The following IL1R1 variants were observed in gnomAD, a reference collection of about 807,000 sequenced individuals.
The protein encoded by IL1R1 is interleukin 1 receptor type 1.
Under a neutral mutation model 50.2 loss-of-function variants are expected in IL1R1, and 22 were observed. The ratio of observed to expected loss-of-function variants is 0.44; its 90% CI spans 0.31 to 0.63. The LOEUF (loss-of-function observed/expected upper bound fraction) is 0.63. Among genes scored for constraint, IL1R1 ranks in the 20% least tolerant of loss-of-function variants. The probability of loss-of-function intolerance (pLI) is 0.07; values close to 1 mark genes in which losing one functional copy is unlikely to be tolerated. For synonymous variants in IL1R1, 251 were observed against 236.7 expected (o/e 1.06, Z -0.55); for missense variants, 509 against 676.2 (o/e 0.75, Z 2.74).
intron 1 of IL1R1, among the ~76,000 whole-genome samples, chr2:102,098,601 A>G (rs1229180069): frequency 2.0e-5 from 3 of 152,164 alleles, no homozygotes; most frequent in Admixed American, 1.3e-4. Flanking sequence ...ATTGCATAGT[A>G]CACTGCAGTG....
intron 1 of IL1R1, among the ~76,000 whole-genome samples, chr2:102,091,062 T>G (rs983634127): frequency 1.3e-5 from 2 of 152,220 alleles, no homozygotes; most frequent in African/African-American, 4.8e-5. Flanking sequence ...TCTGGGCTTT[T>G]CATAGAGAGC....
chr2:102,105,800 C>G (rs1021274599), intron 1 of IL1R1, among the ~76,000 whole-genome samples: 1 of 152,170 alleles, frequency 6.6e-6, no homozygotes, highest in African/African-American at 2.4e-5. Context: ...ATATTTTTCT[C>G]CCCCCTTCAG....
At chr2:102,087,694 C>T (rs151153732) in intron 1 of IL1R1, among the ~76,000 whole-genome samples, 2 of 152,264 alleles carry the variant, frequency 1.3e-5, no homozygotes, top group Admixed American at 6.5e-5. Flanking sequence ...CCGTGTAAGA[C>T]GTGCCTTGCT....
At chr2:102,152,655 T>C (rs1339400348) in intron 1 of IL1R1, among the ~76,000 whole-genome samples, 1 of 148,376 alleles carries the variant, frequency 6.7e-6, no homozygotes, top group African/African-American at 2.5e-5. Flanking sequence ...TGCCATTCAC[T>C]ATATAATTCC....
chr2:102,142,300 A>G (rs1291445592), upstream of IL1R1: 1 of 152,220 alleles, frequency 6.6e-6, no homozygotes, highest in Admixed American at 6.5e-5. Context: ...ATTAGTGCAC[A>G]AAGCCAGTCG....
chr2:102,151,951 A>G (rs545405875), intron 1 of IL1R1, among the ~76,000 whole-genome samples: 43 of 152,116 alleles, frequency 2.8e-4, no homozygotes, highest in African/African-American at 9.9e-4. Context: ...GGGGGCGCTG[A>G]CCCTCATCCC....
chr2:102,097,171 G>A (rs947660438), intron 1 of IL1R1, among the ~76,000 whole-genome samples: 1 of 152,024 alleles, frequency 6.6e-6, no homozygotes, highest in African/African-American at 2.4e-5. Flanking sequence ...CGGGGATCGG[G>A]GCTGCTTCCT....
chr2:102,154,490 C>A (rs1354318095), intron 2 of IL1R1, among the ~76,000 whole-genome samples: 1 of 152,168 alleles, frequency 6.6e-6, no homozygotes, highest in Non-Finnish European at 1.5e-5. Context: ...CCTGAACCTG[C>A]CCCCCAACCT....
rs3047461 is a variant in IL1R1, at chr2:102,167,442, G to GT, written c.656-1133dup. On this transcript the variant is annotated intron_variant, in intron 6 of 11. Transcript: ENST00000410023. The stretch of plus-strand genomic sequence containing the variant: ...GGGGACTATTTAAGCTAGGTTAAGT[G>GT]TTTTTTTTTTTTTTTTTTTTTTTGA... Among the ~76,000 whole-genome samples, 505 of 68,794 alleles carry GT rather than the reference G, an allele frequency of 7.3e-3. 5 individuals carry two copies. Among genetic ancestry groups the GT allele is most frequent in the Middle Eastern group, 0.018 (2 of 110 alleles). The allele number at this position is 68,794 out of a possible 152,430, so 45.1% of individuals were successfully genotyped here.
At chr2:102,079,929 G>A (rs978883288) in intron 1 of IL1R1, among the ~76,000 whole-genome samples, 1 of 152,134 alleles carries the variant, frequency 6.6e-6, no homozygotes, top group African/African-American at 2.4e-5. Context: ...TCAGAAATAT[G>A]CCCTTACGTT....
At chr2:102,087,641 G>A (rs554178402) in intron 1 of IL1R1, among the ~76,000 whole-genome samples, 1 of 152,116 alleles carries the variant, frequency 6.6e-6, no homozygotes, top group Admixed American at 6.5e-5. Context: ...TGGTTTAAAG[G>A]TGTGGCATGT....
Position 102,120,127 on chromosome 2 carries a change from C to T in IL1R1, c.-84+15255C>T, listed in dbSNP as rs187220282. On this transcript the variant is annotated intron_variant, in intron 1 of 10. Transcript: ENST00000409329. ...TTATTTGGCCAGATCGGACCTACAG[C>T]CCTCAGTGGTCTTTAAAGTGAAAAA... 1.5e-4 allele frequency among the ~76,000 whole-genome samples: 23 copies of T among 152,194 alleles called. No homozygotes were observed. The East Asian group carries it at 4.2e-3, about 28-fold the overall frequency.
intron 3 of IL1R1, among the ~76,000 whole-genome samples, chr2:102,161,790 A>G (rs1323878846): frequency 1.3e-5 from 2 of 151,926 alleles, no homozygotes; most frequent in Admixed American, 6.6e-5. Flanking sequence ...ACCTCTGCCT[A>G]CTGGGTTCAA....
At chr2:102,128,073 T>C (rs747735372) in intron 1 of IL1R1, among the ~76,000 whole-genome samples, 9 of 152,226 alleles carry the variant, frequency 5.9e-5, no homozygotes, top group Non-Finnish European at 1.2e-4. Context: ...TCTATGCATT[T>C]TACACTTGGT....
intron 1 of IL1R1, among the ~76,000 whole-genome samples, chr2:102,077,859 T>C (rs1442009273): frequency 1.3e-5 from 2 of 152,046 alleles, no homozygotes; most frequent in Non-Finnish European, 2.9e-5. Context: ...AAGAGAGAAA[T>C]CATACAAAGT....
At chr2:102,071,975 G>T (rs1023128865) in intron 1 of IL1R1, among the ~76,000 whole-genome samples, 2 of 152,104 alleles carry the variant, frequency 1.3e-5, no homozygotes, top group Non-Finnish European at 2.9e-5. Flanking sequence ...CATTGTACTT[G>T]GCCGGGTGTG....
At chr2:102,133,056 A>G (rs1402395378) in intron 1 of IL1R1, among the ~76,000 whole-genome samples, 1 of 151,906 alleles carries the variant, frequency 6.6e-6, no homozygotes, top group Admixed American at 6.6e-5. Flanking sequence ...CATCCTGGCT[A>G]ACACGGTGAA....
At chr2:102,076,024 C>G (rs1678941458) in intron 1 of IL1R1, among the ~76,000 whole-genome samples, 1 of 152,130 alleles carries the variant, frequency 6.6e-6, no homozygotes. Context: ...CCTTCCTGGT[C>G]TTTGTGTTAT....
Position 102,124,522 on chromosome 2 carries a change from C to T in IL1R1, c.-84+19650C>T, listed in dbSNP as rs565091890. On this transcript the variant is annotated intron_variant, in intron 1 of 10. Transcript: ENST00000409329. ...CAATTCCACATGGCTGGGGAAGCCT[C>T]GGGAAACTTATAATCATTGTGGAAG... Among the ~76,000 whole-genome samples the T allele has an allele frequency of 4.6e-5, 7 of 151,998 alleles. No individual in the cohort carries two copies. The South Asian group carries it at 1.0e-3, about 23-fold the overall frequency.
Sources: gnomAD v4.1 joint callset for allele counts (sites outside exome capture counted in the v4.1 genomes callset) on GRCh38, gnomAD v4.1.1 for gene constraint, MANE v1.5 for transcripts, NCBI Gene and HGNC (gene_info 2026-07-23, HGNC 2026-07-21) for gene names.